ZNF618: variants seen among roughly 807,000 people sequenced by gnomAD.
ZNF618 encodes zinc finger protein 618.
ZNF618 carries 34 observed loss-of-function variants against 103.0 expected under a neutral mutation model. The ratio of observed to expected loss-of-function variants is 0.33; its 90% CI spans 0.25 to 0.44. The LOEUF is 0.44. ZNF618 is among the 20% of genes least tolerant of loss of function. The pLI, the probability that ZNF618 is intolerant of heterozygous loss-of-function variation, is 1.00. For missense variants in ZNF618, 1,059 were observed against 1,295.4 expected (o/e 0.82, Z 2.80); for synonymous variants, 551 against 542.2 (o/e 1.02, Z -0.23).
At position 113,917,235 on chromosome 9, in the gene ZNF618, CTTTTT is replaced by C. The variant is rs56300784; in HGVS notation, c.33+40843_33+40847del. Among the ~76,000 whole-genome samples the C allele has an allele frequency of 1.6e-4, 12 of 74,258 alleles. No individual in the cohort carries two copies. In the East Asian group the frequency reaches 3.3e-3, roughly 20 times the overall value. 48.7% of individuals were successfully genotyped at this position (74,258 alleles called of 152,430 possible). A position where few individuals can be genotyped will look rare whatever the true frequency, so the allele number is the denominator to read the frequency against. ...TTGCCTAGCAAGCCTTCTCTCTATCCTTTTTTTTTTTTTTTTTTTTTTTTTGTGAG... is the reference window on the plus strand; with the variant it reads ...TTGCCTAGCAAGCCTTCTCTCTATCCTTTTTTTTTTTTTTTTTTTTGTGAG... On this transcript the variant is annotated intron_variant, in intron 1 of 14. Transcript: ENST00000374126.
intron 1 of ZNF618, among the ~76,000 whole-genome samples, chr9:113,891,347 G>C (rs911494928): frequency 2.0e-5 from 3 of 152,172 alleles, no homozygotes; most frequent in African/African-American, 7.2e-5. Context: ...AAGTTGAATA[G>C]ACATTTCTCC....
At chr9:114,027,511 G>A (rs1843619591) in intron 10 of ZNF618, among the ~76,000 whole-genome samples, 2 of 152,240 alleles carry the variant, frequency 1.3e-5, no homozygotes, top group South Asian at 4.1e-4. Context: ...GGTAAATGAA[G>A]GACCATAGAG....
At chr9:113,969,305 C>T in intron 2 of ZNF618, 145 bp downstream of exon 2, 1 of 994,084 alleles carries the variant, frequency 1.0e-6, no homozygotes, top group Non-Finnish European at 1.6e-6. Context: ...ATCCAGACTT[C>T]CCCAAAGAAT....
At position 113,882,829 on chromosome 9, in the gene ZNF618, C is replaced by G. The variant is rs546634804; in HGVS notation, c.33+6416C>G. On this transcript the variant is annotated intron_variant, in intron 1 of 14. Transcript: ENST00000374126. ...CCCCTTCCCTCATTCATATCTGCTT[C>G]GTGAGAAACCAGACCCTCCTCGAGA... Among the ~76,000 whole-genome samples the G allele has an allele frequency of 3.3e-5, 5 of 152,246 alleles. No individual in the cohort carries two copies. In the South Asian group the frequency reaches 1.0e-3, roughly 32 times the overall value.
At chr9:114,026,380 A>G (rs1843502484) in intron 10 of ZNF618, among the ~76,000 whole-genome samples, 1 of 152,312 alleles carries the variant, frequency 6.6e-6, no homozygotes, top group Admixed American at 6.5e-5. Context: ...TCCCTGCCAC[A>G]GGGAAAGAGG....
At chr9:114,031,401 T>C (rs868349308) in intron 11 of ZNF618, among the ~76,000 whole-genome samples, 2 of 152,210 alleles carry the variant, frequency 1.3e-5, no homozygotes, top group Admixed American at 1.3e-4. Context: ...TCAGGAGACG[T>C]TGTTACAGTG....
rs1240759667 is a variant in ZNF618, at chr9:114,013,076, C to T, written c.755-3619C>T. On this transcript the variant is annotated intron_variant, in intron 9 of 14. Coordinates refer to ENST00000374126, the MANE Select transcript of ZNF618 (RefSeq NM_001318042.2). ...TTCAAGGTGGACTTGCCTCAGACTT[C>T]TCTGCAATACTAAATCTTAGAAGAT... is the stretch of plus-strand genomic sequence containing the variant. Among the ~76,000 whole-genome samples the T allele has an allele frequency of 2.6e-5, 4 of 151,960 alleles. No individual in the cohort carries two copies. The East Asian group carries it at 7.7e-4, about 29-fold the overall frequency.
rs925203939 is a variant in ZNF618 at position 114,008,301 on chromosome 9, T to C, written c.641-43T>C. On this transcript the variant is annotated intron_variant, in intron 7 of 14. Coordinates refer to ENST00000374126, the MANE Select transcript of ZNF618 (RefSeq NM_001318042.2). Reference sequence around the variant, plus strand: ...GGCAGGGACTAACAGGGCTCCTGTTTGTTTCTTTCCTTCTGCGGCTGCCGC... The same window carrying C: ...GGCAGGGACTAACAGGGCTCCTGTTCGTTTCTTTCCTTCTGCGGCTGCCGC... 1.9e-6 allele frequency: 3 copies of C among 1,611,672 alleles called. No individual in the cohort carries two copies. In the East Asian group the frequency reaches 6.7e-5, roughly 36 times the overall value.
At chr9:114,048,132 C>A in intron 14 of ZNF618, 138 bp downstream of exon 14, 2 of 760,026 alleles carry the variant, frequency 2.6e-6, no homozygotes, top group Non-Finnish European at 4.2e-6. Flanking sequence ...ACTTTTACAC[C>A]TAAGACCTTA....
chr9:114,006,620 G>A (rs760073052), intron 6 of ZNF618, among the ~76,000 whole-genome samples: 23 of 152,202 alleles, frequency 1.5e-4, no homozygotes, highest in Non-Finnish European at 2.6e-4. Flanking sequence ...ATGACTGGAA[G>A]CAACAAGCAT....
intron 1 of ZNF618, among the ~76,000 whole-genome samples, chr9:113,947,542 A>T (rs2132201511): frequency 6.6e-6 from 1 of 152,298 alleles, no homozygotes; most frequent in African/African-American, 2.4e-5. Flanking sequence ...CCCCTACCGG[A>T]ACCTTCCAGC....
intron 2 of ZNF618, among the ~76,000 whole-genome samples, chr9:113,978,403 T>C (rs1206146778): frequency 1.3e-5 from 2 of 152,206 alleles, no homozygotes; most frequent in Non-Finnish European, 2.9e-5. Flanking sequence ...CACAGCAGCA[T>C]TTGAAAACAC....
At chr9:113,919,222 G>T (rs1283830859) in intron 1 of ZNF618, among the ~76,000 whole-genome samples, 1 of 152,146 alleles carries the variant, frequency 6.6e-6, no homozygotes, top group Non-Finnish European at 1.5e-5. Flanking sequence ...GGACCTGCTT[G>T]TGGCTAATGA....
intron 1 of ZNF618, among the ~76,000 whole-genome samples, chr9:113,952,387 A>AC (rs2132356197): frequency 6.6e-6 from 1 of 152,070 alleles, no homozygotes; most frequent in East Asian, 1.9e-4. Context: ...AAAATGATTG[A>AC]TTTTTTTCCC....
At chr9:114,011,310 C>T (rs1842219249) in intron 9 of ZNF618, among the ~76,000 whole-genome samples, 1 of 152,210 alleles carries the variant, frequency 6.6e-6, no homozygotes, top group South Asian at 2.1e-4. Context: ...ATAAGTGGTA[C>T]CTTTAATTAC....
chr9:114,007,476 G>A (rs1841854115), intron 7 of ZNF618, 37 bp downstream of exon 7: 1 of 1,601,314 alleles, frequency 6.2e-7, no homozygotes, highest in Admixed American at 1.7e-5. Flanking sequence ...GTCATGCCAA[G>A]AGGCGCCCTT....
chr9:114,006,004 G>T (rs1841721386), intron 6 of ZNF618, among the ~76,000 whole-genome samples: 1 of 152,190 alleles, frequency 6.6e-6, no homozygotes, highest in Admixed American at 6.5e-5. Context: ...CCTTGCTCAG[G>T]GACCAGTTTG....
intron 1 of ZNF618, among the ~76,000 whole-genome samples, chr9:113,968,703 G>T (rs1021823824): frequency 6.6e-6 from 1 of 152,158 alleles, no homozygotes; most frequent in Non-Finnish European, 1.5e-5. Context: ...TTGGGAGAAA[G>T]AATATTTTAA....
intron 1 of ZNF618, among the ~76,000 whole-genome samples, chr9:113,924,453 C>T (rs1014873245): frequency 1.4e-5 from 2 of 147,800 alleles, no homozygotes; most frequent in Admixed American, 1.4e-4. Context: ...CTTGGTTAGC[C>T]TGGCTAGAGG....
Sources: allele counts gnomAD v4.1 joint callset (sites outside exome capture counted in the v4.1 genomes callset), GRCh38; gene constraint gnomAD v4.1.1; transcripts MANE v1.5; gene names NCBI Gene and HGNC (gene_info 2026-07-23, HGNC 2026-07-21).